Variants in VNN1 observed in about 807,000 individuals in gnomAD.
VNN1 encodes pantetheinase.
Under a neutral mutation model 41.9 loss-of-function variants are expected in VNN1, and 29 were observed. The observed-to-expected ratio is 0.69, with a 90% CI of 0.52 to 0.94. The LOEUF is 0.94. Among genes scored for constraint, VNN1 ranks in the 40% least tolerant of loss-of-function variants. VNN1 has a pLI of 0.00. For missense variants in VNN1, 637 were observed against 621.1 expected, an observed-to-expected ratio of 1.03 and a Z score of -0.27; for synonymous variants, 233 against 224.4, an observed-to-expected ratio of 1.04 and a Z score of -0.34.
chr6:132,682,947 G>T lies in VNN1; in HGVS notation c.*193C>A. ...CAAGAAAGACCAATGTTCAAATATA[G>T]TTTTTTAAATAAAATCTACATTAAC... On this transcript the variant is annotated 3_prime_UTR_variant, in exon 7 of 7. Transcript: ENST00000367928. 2.5e-6 allele frequency: 1 copy of T among 404,056 alleles called. No homozygotes were observed. The highest frequency in any genetic ancestry group is 4.2e-6 in the Non-Finnish European group (1 of 240,848). 25.0% of individuals were successfully genotyped at this position (404,056 alleles called of 1,614,324 possible).
chr6:132,691,211 G>A (rs1018372696), intron 5 of VNN1, among the ~76,000 whole-genome samples: 2 of 152,176 alleles, frequency 1.3e-5, no homozygotes, highest in African/African-American at 4.8e-5. Context: ...AGAAGTCAGT[G>A]AAGAATTTTA....
chr6:132,700,648 G>A (rs1778437798), intron 2 of VNN1, among the ~76,000 whole-genome samples: 1 of 152,160 alleles, frequency 6.6e-6, no homozygotes, highest in Non-Finnish European at 1.5e-5. Flanking sequence ...GGGGAGGGTG[G>A]AGATGGGAAG....
intron 5 of VNN1, among the ~76,000 whole-genome samples, chr6:132,689,633 C>T (rs1295737408): frequency 6.6e-6 from 1 of 152,174 alleles, no homozygotes; most frequent in South Asian, 2.1e-4. Context: ...TCTGTCCTTT[C>T]CTGCCCCAAA....
chr6:132,697,592 A>G (rs1778391972), intron 2 of VNN1, among the ~76,000 whole-genome samples: 1 of 151,898 alleles, frequency 6.6e-6, no homozygotes, highest in Non-Finnish European at 1.5e-5. Context: ...ATAAATGGTT[A>G]TTGAAGAATA....
In VNN1 at chr6:132,686,385, T is replaced by G. The variant is rs924793705; in HGVS notation, c.1189-1880A>C. 2.0e-5 allele frequency among the ~76,000 whole-genome samples: 3 copies of G among 152,036 alleles called. No individual in the cohort carries two copies. The South Asian group carries it at 6.2e-4, about 32-fold the overall frequency. Reference sequence around the variant, plus strand: ...ATTGCTTGAACCCGGGAGGCAGAGGTTGCAGTGAGCGGAAATCATGCCACT... The same window carrying G: ...ATTGCTTGAACCCGGGAGGCAGAGGGTGCAGTGAGCGGAAATCATGCCACT... On this transcript the variant is annotated intron_variant, in intron 5 of 6. Transcript: ENST00000367928.
intron 2 of VNN1, among the ~76,000 whole-genome samples, chr6:132,695,190 G>C (rs1197504148): frequency 6.6e-6 from 1 of 152,076 alleles, no homozygotes; most frequent in Non-Finnish European, 1.5e-5. Context: ...CAAAAATTTA[G>C]AGGTAGAGGG....
chr6:132,698,526 C>T (rs891272812), intron 2 of VNN1, among the ~76,000 whole-genome samples: 2 of 152,130 alleles, frequency 1.3e-5, no homozygotes, highest in Non-Finnish European at 2.9e-5. Flanking sequence ...TGTGTGCACA[C>T]AAAACTCTGA....
Position 132,694,001 on chromosome 6 carries a change from G to C in VNN1, c.523C>G (p.Arg175Gly), listed in dbSNP as rs763783408. The C allele has an allele frequency of 6.2e-7, 1 of 1,614,054 alleles. No individual in the cohort carries two copies. Among genetic ancestry groups the C allele is most frequent in the Non-Finnish European group, 8.5e-7 (1 of 1,179,966 alleles). ...CAAATTAATTTTACCTTATGGTAGC[G>C]TGCCACCAGTTTTCCTTGAGAATCA... ...VFDSQGKLVA[R>G]YHKQNLFMGE... The change falls in exon 3 of 7, where the codon CGC (arginine) becomes GGC (glycine). Residue 175 changes from arginine to glycine, a missense_variant. By Grantham distance (125) the Arg-to-Gly change is moderately radical (BLOSUM62 -2). Transcript: ENST00000367928.
chr6:132,701,129 CTT>C (rs1415745793), intron 2 of VNN1, among the ~76,000 whole-genome samples: 8 of 152,090 alleles, frequency 5.3e-5, no homozygotes, highest in Non-Finnish European at 1.5e-5. Flanking sequence ...CACTGTGACT[CTT>C]TATTTCTAAC....
rs547844945 is a variant in VNN1, at chr6:132,680,980, A to G, written c.*2160T>C. 3.3e-5 allele frequency among the ~76,000 whole-genome samples: 5 copies of G among 152,330 alleles called. No individual in the cohort carries two copies. In the South Asian group the frequency reaches 1.0e-3, roughly 32 times the overall value. On this transcript the variant is annotated 3_prime_UTR_variant, in exon 7 of 7. Transcript: ENST00000367928. ...CATATAGCAAAAAGAAAAGGAAAAC[A>G]ATCCTATTTTTTAAATTACATTGCA...
chr6:132,683,315 G>A lies in VNN1; in HGVS notation c.1367C>T (p.Thr456Ile), dbSNP rs758350779. 6.2e-7 allele frequency: 1 copy of A among 1,611,788 alleles called. No individual in the cohort carries two copies. Among genetic ancestry groups the A allele is most frequent in the Non-Finnish European group, 8.5e-7 (1 of 1,179,380 alleles). Residue 456 changes from threonine to isoleucine, a missense_variant, in exon 7 of 7, where the codon ACT becomes ATT. Transcript: ENST00000367928. ...CTTCAGACTAAACAAGCGTCCGTCA[G>A]TTGACACCTGATTAAAACAAAAAAG... ...QLAPGEFQVS[T>I]DGRLFSLKPT...
At chr6:132,708,815 A>G (rs1778554369) in intron 2 of VNN1, among the ~76,000 whole-genome samples, 2 of 152,062 alleles carry the variant, frequency 1.3e-5, no homozygotes, top group South Asian at 2.1e-4. Context: ...CCTGGAGTCT[A>G]TTCTCAACAT....
chr6:132,710,425 A>G (rs1217451916), intron 2 of VNN1, among the ~76,000 whole-genome samples: 1 of 152,092 alleles, frequency 6.6e-6, no homozygotes, highest in Non-Finnish European at 1.5e-5. Flanking sequence ...CAGAACATGC[A>G]GGCTTGTTAC....
intron 1 of VNN1, among the ~76,000 whole-genome samples, chr6:132,712,726 G>A (rs76075678): frequency 6.6e-6 from 1 of 152,070 alleles, no homozygotes; most frequent in Non-Finnish European, 1.5e-5. Context: ...AGCTAACCTG[G>A]GCACCTTCCA....
At chr6:132,709,878 G>T (rs1048791292) in intron 2 of VNN1, among the ~76,000 whole-genome samples, 1 of 152,110 alleles carries the variant, frequency 6.6e-6, no homozygotes, top group African/African-American at 2.4e-5. Flanking sequence ...TGATAATAGA[G>T]TGCTTGCCTT....
At chr6:132,712,609 T>G (rs1326343992) in intron 1 of VNN1, among the ~76,000 whole-genome samples, 1 of 152,152 alleles carries the variant, frequency 6.6e-6, no homozygotes, top group African/African-American at 2.4e-5. Context: ...TCTGTTTATT[T>G]CCTCCTCTGC....
intron 2 of VNN1, chr6:132,699,346 C>G (rs1778418510): frequency 5.3e-6 from 1 of 188,070 alleles, no homozygotes; most frequent in Non-Finnish European, 1.1e-5. Context: ...ATGTCAAGAT[C>G]AAATGCTCTA....
chr6:132,695,915 T>A (rs1000597363), intron 2 of VNN1, among the ~76,000 whole-genome samples: 2 of 152,068 alleles, frequency 1.3e-5, no homozygotes, highest in Admixed American at 1.3e-4. Flanking sequence ...AAGATTCAAA[T>A]GTCTAGTTAT....
chr6:132,693,125 A>G lies in VNN1; in HGVS notation c.725T>C (p.Leu242Ser), dbSNP rs1273975444. ...IVFPTAWMNV[L>S]PHLSAVEFHS... ...GAATTCAACAGCTGACAAATGTGGC[A>G]AAACATTCATCCAAGCTGTTGGGAA... is the stretch of plus-strand genomic sequence containing the variant. Residue 242 changes from leucine (L) to serine (S), a missense_variant, in exon 4 of 7, where the codon TTG becomes TCG. Coordinates refer to ENST00000367928, the MANE Select transcript of VNN1 (RefSeq NM_004666.3). 1 of 1,614,056 alleles carries G rather than the reference A, an allele frequency of 6.2e-7. No homozygotes were observed. Among genetic ancestry groups the G allele is most frequent in the East Asian group, 2.2e-5 (1 of 44,878 alleles).
Sources: allele counts gnomAD v4.1 joint callset (sites outside exome capture counted in the v4.1 genomes callset), GRCh38; gene constraint gnomAD v4.1.1; transcripts MANE v1.5; gene names NCBI Gene and HGNC (gene_info 2026-07-23, HGNC 2026-07-21).